AGAP3: variants seen among roughly 807,000 people sequenced by gnomAD.
The protein encoded by AGAP3 is arf-GAP with GTPase, ANK repeat and PH domain-containing protein 3.
A neutral mutation model predicts 96.9 loss-of-function variants in AGAP3; 24 were observed. That is an observed-to-expected ratio of 0.25 (90% CI 0.18 to 0.35). The LOEUF (loss-of-function observed/expected upper bound fraction) is 0.35. Among genes scored for constraint, AGAP3 ranks in the 10% least tolerant of loss-of-function variants. AGAP3 has a pLI of 1.00. For missense variants in AGAP3, 876 were observed against 1,254.2 expected, an observed-to-expected ratio of 0.70 and a Z score of 4.55; for synonymous variants, 563 against 536.1, an observed-to-expected ratio of 1.05 and a Z score of -0.69.
chr7:151,093,669 T>G lies in AGAP3; in HGVS notation c.331+6597T>G, dbSNP rs977604700. Among the ~76,000 whole-genome samples the G allele has an allele frequency of 3.3e-5, 5 of 152,098 alleles. No homozygotes were observed. In the South Asian group the frequency reaches 8.3e-4, roughly 25 times the overall value. On this transcript the variant is annotated intron_variant, in intron 1 of 17. Coordinates refer to ENST00000397238, the MANE Select transcript of AGAP3 (RefSeq NM_031946.7). Reference sequence around the variant, plus strand: ...CTAGGCTTTCGCAGCAAACGTGGGATTGTTGTGGAAAATGCTTTGCTGGGA... The same window carrying G: ...CTAGGCTTTCGCAGCAAACGTGGGAGTGTTGTGGAAAATGCTTTGCTGGGA...
At chr7:151,122,798 G>A (rs1799972709) in intron 8 of AGAP3, 1 of 1,613,810 alleles carries the variant, frequency 6.2e-7, no homozygotes, top group Middle Eastern at 1.6e-4. Context: ...AAGACCAGTT[G>A]GTGACACACA....
rs375075145 is a variant in AGAP3, at chr7:151,120,111, G to A, written c.1094G>A (p.Arg365Gln). The part of the protein sequence containing the change: ...IAASSTPTPI[R>Q]KQSKRRSNIF... ...GCCTCCTCCACCCCCACACCCATCC[G>A]AAAGCAGTCCAAGCGGCGCTCCAAC... The change falls in exon 8 of 18, where the codon CGA becomes CAA. Residue 365 changes from arginine (R) to glutamine (Q), a missense_variant. Transcript: ENST00000397238. The A allele has an allele frequency of 1.9e-6, 3 of 1,613,012 alleles. No homozygotes were observed. Among genetic ancestry groups the A allele is most frequent in the East Asian group, 2.2e-5 (1 of 44,782 alleles).
chr7:151,112,403 G>C (rs1799332294), intron 1 of AGAP3, among the ~76,000 whole-genome samples: 1 of 112,020 alleles, frequency 8.9e-6, no homozygotes, highest in Admixed American at 7.9e-5. Context: ...AGACGTGTGT[G>C]TGTGTGTGTG....
upstream of AGAP3, among the ~76,000 whole-genome samples, chr7:151,086,395 G>C (rs1037681425): frequency 1.7e-4 from 23 of 138,684 alleles, no homozygotes; most frequent in African/African-American, 5.8e-4. Flanking sequence ...CTCGGGCTGC[G>C]TGTGCCGGAG....
In AGAP3 at chr7:151,138,211, G is replaced by T; in HGVS notation, c.1564G>T (p.Gly522Cys). Residue 522 changes from glycine to cysteine, a missense_variant, in exon 12 of 18, where the codon GGC (glycine) becomes TGC (cysteine). Coordinates refer to ENST00000397238, the MANE Select transcript of AGAP3 (RefSeq NM_031946.7). ...ERPLSSSAWA[G>C]PRPEGLHQRS... ...CCCCCTCAGCAGCTCGGCCTGGGCT[G>T]GCCCGCGCCCTGAGGGGCTGCACCA... The T allele has an allele frequency of 6.2e-7, 1 of 1,611,674 alleles. No individual in the cohort carries two copies. The highest frequency in any genetic ancestry group is 1.1e-5 in the South Asian group (1 of 90,786).
intron 10 of AGAP3, among the ~76,000 whole-genome samples, chr7:151,129,691 AC>A (rs1253628126): frequency 7.6e-6 from 1 of 131,122 alleles, no homozygotes; most frequent in Non-Finnish European, 1.6e-5. Flanking sequence ...CTCCCGCCCG[AC>A]CCCCCCACCT....
intron 1 of AGAP3, among the ~76,000 whole-genome samples, chr7:151,112,402 T>A (rs1190912862): frequency 9.0e-6 from 1 of 111,366 alleles, no homozygotes; most frequent in Non-Finnish European, 1.6e-5. Flanking sequence ...GAGACGTGTG[T>A]GTGTGTGTGT....
chr7:151,120,404 A>G, intron 8 of AGAP3: 1 of 671,482 alleles, frequency 1.5e-6, no homozygotes, highest in Non-Finnish European at 2.7e-6. Flanking sequence ...TCTGCCGCAC[A>G]CACTCACCCT....
chr7:151,134,071 C>G (rs1262237159), intron 10 of AGAP3, among the ~76,000 whole-genome samples: 1 of 152,166 alleles, frequency 6.6e-6, no homozygotes, highest in African/African-American at 2.4e-5. Context: ...CCCTAAATCC[C>G]AGCCTGGCCC....
Position 151,114,592 on chromosome 7 carries a change from G to C in AGAP3, c.332-2201G>C, listed in dbSNP as rs1480663570. ...GCCGCCTCTCTCTCCGGGCTGGGCT[G>C]ACTCCCGGCCTCTCCAGGTCTGGGC... On this transcript the variant is annotated intron_variant, in intron 1 of 17. Coordinates refer to ENST00000397238, the MANE Select transcript of AGAP3 (RefSeq NM_031946.7). The surrounding 1 kb of genome is among the most constrained non-coding windows in gnomAD (Gnocchi z 4.4). The C allele has an allele frequency of 7.9e-6, 4 of 506,824 alleles. No individual in the cohort carries two copies. Among genetic ancestry groups the C allele is most frequent in the Non-Finnish European group, 1.0e-5 (4 of 390,942 alleles). The allele number at this position is 506,824 out of a possible 1,614,324, so 31.4% of individuals were successfully genotyped here. A position where few individuals can be genotyped will look rare whatever the true frequency, so the allele number is the denominator to read the frequency against.
At chr7:151,106,289 T>C (rs1799052992) in intron 1 of AGAP3, among the ~76,000 whole-genome samples, 1 of 152,176 alleles carries the variant, frequency 6.6e-6, no homozygotes, top group African/African-American at 2.4e-5. Context: ...TCCTTTTGTC[T>C]CTTCAGGCTG....
At position 151,142,342 on chromosome 7, in the gene AGAP3, C is replaced by G. The variant is rs1800849383; in HGVS notation, c.2051-70C>G. ...GGGAGCAGGGAAGAGGGCAGGGAAG[C>G]CTTCCCTAGTTGTCCCGCGCTCTGG... On this transcript the variant is annotated intron_variant, in intron 15 of 17. Coordinates refer to ENST00000397238, the MANE Select transcript of AGAP3 (RefSeq NM_031946.7). This position sits in a 1 kb window ranked among gnomAD's most constrained non-coding sequence, Gnocchi z 7.5. 2 of 1,589,894 alleles carry G rather than the reference C, an allele frequency of 1.3e-6. No homozygotes were observed. Among genetic ancestry groups the G allele is most frequent in the South Asian group, 1.1e-5 (1 of 89,744 alleles).
At chr7:151,130,759 C>T (rs989731555) in intron 10 of AGAP3, among the ~76,000 whole-genome samples, 2 of 152,116 alleles carry the variant, frequency 1.3e-5, no homozygotes, top group African/African-American at 2.4e-5. Context: ...TGGCTCCGTG[C>T]GCTCACAGCT....
At chr7:151,137,548 C>T (rs1247601783) in intron 11 of AGAP3, among the ~76,000 whole-genome samples, 1 of 152,152 alleles carries the variant, frequency 6.6e-6, no homozygotes, top group Non-Finnish European at 1.5e-5. Flanking sequence ...GCTCTGTCCT[C>T]CCTCCACTGC....
rs1281606974 is a variant in AGAP3 at position 151,133,498 on chromosome 7, C to T, written c.1327-902C>T. On this transcript the variant is annotated intron_variant, in intron 10 of 17. Transcript: ENST00000397238. The surrounding 1 kb of genome is among the most constrained non-coding windows in gnomAD (Gnocchi z 5.4). ...GGGGAGTCCAAGCACAAAGTGGCCCCCCATCTCCGGGGCCCTGACTTGAAA... is the reference window on the plus strand; with the variant it reads ...GGGGAGTCCAAGCACAAAGTGGCCCTCCATCTCCGGGGCCCTGACTTGAAA... Among the ~76,000 whole-genome samples the T allele has an allele frequency of 2.6e-5, 4 of 152,150 alleles. No individual in the cohort carries two copies. The highest frequency in any genetic ancestry group is 5.9e-5 in the Non-Finnish European group (4 of 68,016).
At chr7:151,090,403 T>A (rs1447470653) in intron 1 of AGAP3, 3 of 135,624 alleles carry the variant, frequency 2.2e-5, no homozygotes, top group African/African-American at 1.0e-4. Context: ...TTTTTTTTTT[T>A]TTAAACAGTT....
Position 151,142,456 on chromosome 7 carries a change from G to C in AGAP3, c.2095G>C (p.Glu699Gln). ...GAACCTGGGTGCCCTGATGTGCATT[G>C]AGTGCTCAGGCATCCACCGACACCT... Reference protein sequence around the residue: ...SLNLGALMCIECSGIHRHLGA... With the variant: ...SLNLGALMCIQCSGIHRHLGA... The change falls in exon 16 of 18, where the codon GAG becomes CAG. Residue 699 changes from glutamate to glutamine, a missense_variant. Physicochemically the swap from Glu to Gln is conservative, Grantham distance 29 (BLOSUM62 2). Coordinates refer to ENST00000397238, the MANE Select transcript of AGAP3 (RefSeq NM_031946.7). The surrounding 1 kb of genome is among the most constrained non-coding windows in gnomAD (Gnocchi z 7.5). 1.9e-6 allele frequency: 3 copies of C among 1,613,974 alleles called. No homozygotes were observed. The highest frequency in any genetic ancestry group is 2.5e-6 in the Non-Finnish European group (3 of 1,180,030).
At chr7:151,129,743 T>A (rs1463180077) in intron 10 of AGAP3, among the ~76,000 whole-genome samples, 2 of 150,800 alleles carry the variant, frequency 1.3e-5, no homozygotes, top group Admixed American at 6.6e-5. Flanking sequence ...CGCGAGTCCT[T>A]GCGAGGCAAT....
chr7:151,103,398 G>A (rs62490312), intron 1 of AGAP3, among the ~76,000 whole-genome samples: 53,955 of 152,090 alleles, frequency 0.35, 10,585 homozygotes, highest in Middle Eastern at 0.44. Flanking sequence ...ATCCTCTTAA[G>A]CGGACAGAAA....
Sources: gnomAD v4.1 joint callset for allele counts (sites outside exome capture counted in the v4.1 genomes callset) on GRCh38, gnomAD v4.1.1 for gene constraint, Gnocchi (gnomAD v3.1) non-coding constraint, MANE v1.5 for transcripts, NCBI Gene and HGNC (gene_info 2026-07-23, HGNC 2026-07-21) for gene names.